RBFA: variants seen among roughly 807,000 people sequenced by gnomAD.
RBFA encodes the protein putative ribosome-binding factor A, mitochondrial.
Under a neutral mutation model 27.9 loss-of-function variants are expected in RBFA, and 16 were observed. The observed-to-expected ratio is 0.57, with a 90% CI of 0.39 to 0.87. RBFA has a LOEUF of 0.87. Ranked by LOEUF, RBFA falls within the 40% of genes least tolerant of loss-of-function variation. The probability of loss-of-function intolerance (pLI) is 0.00; values close to 1 mark genes in which losing one functional copy is unlikely to be tolerated. For missense variants in RBFA, 456 were observed against 432.1 expected (o/e 1.06, Z -0.49); for synonymous variants, 181 against 181.0 (o/e 1.00, Z 0.00).
intron 1 of RBFA, 114 bp downstream of exon 1, chr18:80,034,767 TC>T (rs1326385056): frequency 1.5e-6 from 2 of 1,347,048 alleles, no homozygotes; most frequent in Non-Finnish European, 2.0e-6. Flanking sequence ...GCTCGCCAGT[TC>T]CTGCCTCCTG....
At position 80,034,443 on chromosome 18, in the gene RBFA, T is replaced by C; in HGVS notation, c.-53T>C. The C allele has an allele frequency of 2.1e-6, 3 of 1,417,310 alleles. No homozygotes were observed. Among genetic ancestry groups the C allele is most frequent in the Non-Finnish European group, 2.7e-6 (3 of 1,091,006 alleles). The allele number at this position is 1,417,310 out of a possible 1,614,324, so 87.8% of individuals were successfully genotyped here. On this transcript the variant is annotated 5_prime_UTR_variant, in exon 1 of 7. Coordinates refer to ENST00000306735, the MANE Select transcript of RBFA (RefSeq NM_024805.3). ...CCGCCACCCTCGCGTCAGTTGTCGCTCCGCGCCTGCGCCCGTTGTCTCCCT... is the reference window on the plus strand; with the variant it reads ...CCGCCACCCTCGCGTCAGTTGTCGCCCCGCGCCTGCGCCCGTTGTCTCCCT...
In RBFA at chr18:80,044,252, A is replaced by T; in HGVS notation, c.617A>T (p.Asp206Val). The T allele has an allele frequency of 6.2e-7, 1 of 1,614,216 alleles. No individual in the cohort carries two copies. The highest frequency in any genetic ancestry group is 2.2e-5 in the East Asian group (1 of 44,878). ...GCAGTCGCAGACTTTGGACCCCGGG[A>T]TGAAAGAGACAACTTTGTACAAAAT... ...LLAVADFGPR[D>V]ERDNFVQNDF... Residue 206 changes from aspartate (D) to valine (V), a missense_variant, in exon 6 of 7, where the codon GAT (aspartate) becomes GTT (valine). Coordinates refer to ENST00000306735, the MANE Select transcript of RBFA (RefSeq NM_024805.3).
chr18:80,040,544 G>A (rs2052009949), intron 4 of RBFA, among the ~76,000 whole-genome samples: 1 of 152,100 alleles, frequency 6.6e-6, no homozygotes, highest in African/African-American at 2.4e-5. Context: ...TACTGCGCTG[G>A]CTCTTCTTGT....
At chr18:80,037,576 G>A in intron 3 of RBFA, 70 bp downstream of exon 3, 1 of 1,398,044 alleles carries the variant, frequency 7.2e-7, no homozygotes. Context: ...ACCTGGCCCA[G>A]TCTTGCCTGA....
rs945496156 is a variant in RBFA at position 80,048,214 on chromosome 18, G to A, written c.*2059G>A. The A allele has an allele frequency of 1.3e-5, 2 of 152,312 alleles. No individual in the cohort carries two copies. The highest frequency in any genetic ancestry group is 2.4e-5 in the African/African-American group (1 of 41,440). 9.4% of individuals were successfully genotyped at this position (152,312 alleles called of 1,614,324 possible). On this transcript the variant is annotated 3_prime_UTR_variant, in exon 7 of 7. Coordinates refer to ENST00000306735, the MANE Select transcript of RBFA (RefSeq NM_024805.3). The stretch of plus-strand genomic sequence containing the variant: ...TGCAGGTACCTCCACAGCACTGCCG[G>A]GCTGGGAACAGGGCCAGTGCTTGCA...
chr18:80,039,433 A>T (rs1259390242), intron 4 of RBFA, among the ~76,000 whole-genome samples: 1 of 152,250 alleles, frequency 6.6e-6, no homozygotes, highest in East Asian at 1.9e-4. Flanking sequence ...AATGGGAAGT[A>T]CATGTAAATC....
Position 80,045,097 on chromosome 18 carries a change from A to T in RBFA, c.651-677A>T, listed in dbSNP as rs1277511248. On this transcript the variant is annotated intron_variant, in intron 6 of 6. Coordinates refer to ENST00000306735, the MANE Select transcript of RBFA (RefSeq NM_024805.3). ...CAGGGGCTGTGACGTGGCCTTGACT[A>T]GGTGCTGTTCACCAAGAATAGACTC... Among the ~76,000 whole-genome samples the T allele has an allele frequency of 5.3e-5, 8 of 152,344 alleles. No individual in the cohort carries two copies. The East Asian group carries it at 1.2e-3, about 22-fold the overall frequency.
chr18:80,046,208 C>G lies in RBFA; in HGVS notation c.*53C>G. ...TGCAGGGAAAAGCATTGGCACGCAA[C>G]GCAGCATGTGGCTTCATTGAGGCAG... On this transcript the variant is annotated 3_prime_UTR_variant, in exon 7 of 7. Coordinates refer to ENST00000306735, the MANE Select transcript of RBFA (RefSeq NM_024805.3). 6.4e-7 allele frequency: 1 copy of G among 1,568,216 alleles called. No homozygotes were observed. Among genetic ancestry groups the G allele is most frequent in the Non-Finnish European group, 8.7e-7 (1 of 1,154,406 alleles).
At chr18:80,038,419 C>T (rs1294687966) in intron 3 of RBFA, 86 bp from the exon 4 acceptor site, 13 of 904,998 alleles carry the variant, frequency 1.4e-5, no homozygotes, top group Middle Eastern at 3.4e-4. Context: ...GGGGCGTCTG[C>T]AGCTGTCGTT....
rs139015228 is a variant in RBFA, at chr18:80,044,233, G to A, written c.598G>A (p.Ala200Thr). Residue 200 changes from alanine (A) to threonine (T), a missense_variant, in exon 6 of 7, where the codon GCA becomes ACA. Physicochemically the swap from Ala to Thr is moderately conservative, Grantham distance 58 (BLOSUM62 0). Coordinates refer to ENST00000306735, the MANE Select transcript of RBFA (RefSeq NM_024805.3). The stretch of plus-strand genomic sequence containing the variant: ...GTAGCTTGATCAGTTACTGGCAGTC[G>A]CAGACTTTGGACCCCGGGATGAAAG... ...LAELDQLLAV[A>T]DFGPRDERDN... 6.9e-4 allele frequency: 1,117 copies of A among 1,614,088 alleles called. No homozygotes were observed. The highest frequency in any genetic ancestry group is 9.2e-4 in the Non-Finnish European group (1,083 of 1,179,934).
At position 80,042,181 on chromosome 18, in the gene RBFA, G is replaced by A. The variant is rs779585969; in HGVS notation, c.538G>A (p.Val180Met). The A allele has an allele frequency of 8.7e-6, 14 of 1,611,180 alleles. No individual in the cohort carries two copies. Among genetic ancestry groups the A allele is most frequent in the Non-Finnish European group, 1.2e-5 (14 of 1,178,162 alleles). The change falls in exon 5 of 7, where the codon GTG becomes ATG. Residue 180 changes from valine (V) to methionine (M), a missense_variant. Coordinates refer to ENST00000306735, the MANE Select transcript of RBFA (RefSeq NM_024805.3). ...QQTLRNVPPI[V>M]FVQDKGNAAL... ...GACCCTGAGGAATGTGCCACCGATAGTGTTTGTTCAAGACAAGGGAAATGC... is the reference window on the plus strand; with the variant it reads ...GACCCTGAGGAATGTGCCACCGATAATGTTTGTTCAAGACAAGGGAAATGC...
rs1230073374 is a variant in RBFA, at chr18:80,046,597, G to A, written c.*442G>A. Among the ~76,000 whole-genome samples, 1 of 152,072 alleles carries A rather than the reference G, an allele frequency of 6.6e-6. No individual in the cohort carries two copies. Among genetic ancestry groups the A allele is most frequent in the Non-Finnish European group, 1.5e-5 (1 of 67,994 alleles). On this transcript the variant is annotated 3_prime_UTR_variant, in exon 7 of 7. Transcript: ENST00000306735. ...CTGGGCTCCGTCCCTGGGGCTGCTGGGCTGGCACGTGGCGCCGGGGGCTCC... is the reference window on the plus strand; with the variant it reads ...CTGGGCTCCGTCCCTGGGGCTGCTGAGCTGGCACGTGGCGCCGGGGGCTCC...
chr18:80,040,819 A>G (rs751881734), intron 4 of RBFA, among the ~76,000 whole-genome samples: 14 of 152,252 alleles, frequency 9.2e-5, no homozygotes, highest in Non-Finnish European at 1.9e-4. Flanking sequence ...TAGAACCCAC[A>G]TAAACAAATG....
At chr18:80,044,970 A>G (rs1427010117) in intron 6 of RBFA, among the ~76,000 whole-genome samples, 2 of 152,204 alleles carry the variant, frequency 1.3e-5, no homozygotes, top group East Asian at 1.9e-4. Flanking sequence ...ACGCTGTAGC[A>G]GGCCTGGCCT....
chr18:80,034,684 C>T, intron 1 of RBFA, 31 bp downstream of exon 1: 1 of 1,600,838 alleles, frequency 6.2e-7, no homozygotes, highest in Non-Finnish European at 8.5e-7. Context: ...TCCCTGGGCG[C>T]GGTATTCCCT....
chr18:80,035,830 G>A (rs2051974993), intron 1 of RBFA: 1 of 152,204 alleles, frequency 6.6e-6, no homozygotes, highest in Non-Finnish European at 1.5e-5. Context: ...TTGTTCGAAT[G>A]TTTCCAGCTC....
chr18:80,037,280 G>T (rs1276361839), intron 2 of RBFA, 50 bp from the exon 3 acceptor site: 1 of 1,555,418 alleles, frequency 6.4e-7, no homozygotes, highest in Non-Finnish European at 8.8e-7. Context: ...GACTTGGTGA[G>T]TTTGGAGTTG....
Position 80,034,534 on chromosome 18 carries a change from G to T in RBFA, c.39G>T (p.Ala13=), listed in dbSNP as rs374217247. 1 of 1,589,532 alleles carries T rather than the reference G, an allele frequency of 6.3e-7. No individual in the cohort carries two copies. Among genetic ancestry groups the T allele is most frequent in the Non-Finnish European group, 8.5e-7 (1 of 1,172,852 alleles). The change falls in exon 1 of 7, where the codon GCG becomes GCT. Residue 13 remains alanine (A), a synonymous_variant. Coordinates refer to ENST00000306735, the MANE Select transcript of RBFA (RefSeq NM_024805.3). ...AAAGGLWRSR[A]GLRALFRSRD... ...CGGGCGGGCTGTGGCGCTCCCGCGC[G>T]GGTCTCCGGGCCCTGTTCCGTAGCC...
intron 3 of RBFA, among the ~76,000 whole-genome samples, chr18:80,037,761 C>A (rs1032141689): frequency 1.3e-5 from 2 of 152,108 alleles, no homozygotes; most frequent in African/African-American, 4.8e-5. Flanking sequence ...TGGTGGCGGG[C>A]GCCTGTAGTC....
Sources: allele counts gnomAD v4.1 joint callset (sites outside exome capture counted in the v4.1 genomes callset), GRCh38; gene constraint gnomAD v4.1.1; transcripts MANE v1.5; gene names NCBI Gene and HGNC (gene_info 2026-07-23, HGNC 2026-07-21).